Variants in PPP2R5C observed in about 807,000 individuals in gnomAD.
The protein encoded by PPP2R5C is serine/threonine-protein phosphatase 2A 56 kDa regulatory subunit gamma isoform.
In PPP2R5C, 7 loss-of-function variants were observed where a neutral mutation model predicts 68.9. That is an observed-to-expected ratio of 0.10 (90% CI 0.06 to 0.19). The LOEUF is 0.19. Ranked by LOEUF, PPP2R5C falls within the 10% of genes least tolerant of loss-of-function variation. The pLI is 1.00. For missense variants in PPP2R5C, 348 were observed against 641.3 expected (o/e 0.54, Z 4.94); for synonymous variants, 210 against 222.2 (o/e 0.95, Z 0.49).
intron 3 of PPP2R5C, among the ~76,000 whole-genome samples, chr14:101,792,578 C>T (rs2038408382): frequency 6.6e-6 from 1 of 152,318 alleles, no homozygotes; most frequent in Admixed American, 6.5e-5. Flanking sequence ...TACCAGTTCC[C>T]TCTAATGGTG....
At chr14:101,889,847 G>A (rs141465491) in intron 5 of PPP2R5C, 4 of 389,076 alleles carry the variant, frequency 1.0e-5, no homozygotes, top group African/African-American at 2.1e-5. Flanking sequence ...CAGCAAAAAC[G>A]TAAGATGGAT....
chr14:101,826,705 C>T (rs1048620147), intron 1 of PPP2R5C, among the ~76,000 whole-genome samples: 4 of 152,000 alleles, frequency 2.6e-5, no homozygotes, highest in South Asian at 2.1e-4. Context: ...AGCAATGTTC[C>T]TTGTCTCTTT....
At chr14:101,800,790 C>T (rs35029774) in intron 3 of PPP2R5C, among the ~76,000 whole-genome samples, 5,894 of 152,212 alleles carry the variant, frequency 0.039, 206 homozygotes, top group East Asian at 0.15. Context: ...TGCAGCATCG[C>T]TCACAATAGC....
intron 1 of PPP2R5C, among the ~76,000 whole-genome samples, chr14:101,830,869 G>A (rs917824508): frequency 6.6e-6 from 1 of 152,184 alleles, no homozygotes; most frequent in East Asian, 1.9e-4. Context: ...AAATGGAAGT[G>A]TCACTAAGCG....
At chr14:101,872,384 C>T (rs1004210528) in intron 2 of PPP2R5C, among the ~76,000 whole-genome samples, 6 of 151,920 alleles carry the variant, frequency 3.9e-5, no homozygotes. Flanking sequence ...ATGACAGGCA[C>T]ATGCCACCAT....
chr14:101,786,141 G>A (rs576069163), exon 3 of PPP2R5C: 135 of 1,589,106 alleles, frequency 8.5e-5, no homozygotes, highest in Non-Finnish European at 1.0e-4. Context: ...AAGGTTTAGC[G>A]CAAGCAATAA....
chr14:101,762,448 A>G (rs1044385805), intron 1 of PPP2R5C, among the ~76,000 whole-genome samples: 12 of 151,218 alleles, frequency 7.9e-5, no homozygotes, highest in African/African-American at 2.9e-4. Flanking sequence ...CTCGAACACT[A>G]TTATTATCCT....
intron 1 of PPP2R5C, chr14:101,839,182 T>A (rs2041304777): frequency 6.6e-6 from 1 of 151,276 alleles, no homozygotes; most frequent in African/African-American, 2.4e-5. Flanking sequence ...GAAATCCCAT[T>A]TCTGCTAAAA....
chr14:101,915,357 G>A lies in PPP2R5C; in HGVS notation c.1327-2474G>A, dbSNP rs901203096. ...GGCCTCCCAGAGTGCTGGGATTACA[G>A]GTGTGAGCCACCGCACCTGGCCTTC... On this transcript the variant is annotated intron_variant, in intron 12 of 13. Coordinates refer to ENST00000334743, the Ensembl canonical transcript of PPP2R5C. The surrounding 1 kb of genome is among the most constrained non-coding windows in gnomAD (Gnocchi z 4.2). 3.3e-5 allele frequency among the ~76,000 whole-genome samples: 5 copies of A among 152,186 alleles called. No homozygotes were observed. Among genetic ancestry groups the A allele is most frequent in the African/African-American group, 1.2e-4 (5 of 41,446 alleles).
chr14:101,778,573 T>C (rs907040295), intron 2 of PPP2R5C, among the ~76,000 whole-genome samples: 5 of 152,188 alleles, frequency 3.3e-5, no homozygotes, highest in African/African-American at 1.2e-4. Flanking sequence ...TTGAAATCGT[T>C]TTTTTCCTGT....
intron 1 of PPP2R5C, among the ~76,000 whole-genome samples, chr14:101,842,700 C>A (rs2041557634): frequency 6.6e-6 from 1 of 151,524 alleles, no homozygotes; most frequent in Non-Finnish European, 1.5e-5. Flanking sequence ...TCACACCTGG[C>A]ATGGGTAGAC....
At chr14:101,761,556 G>A (rs529870840), upstream of PPP2R5C, among the ~76,000 whole-genome samples, 1 of 143,644 alleles carries the variant, frequency 7.0e-6, no homozygotes, top group Non-Finnish European at 1.5e-5. Flanking sequence ...GCAGGGCGCT[G>A]TTGAGTGCAG....
At chr14:101,792,935 T>C (rs1417034656) in intron 3 of PPP2R5C, among the ~76,000 whole-genome samples, 1 of 151,660 alleles carries the variant, frequency 6.6e-6, no homozygotes, top group Non-Finnish European at 1.5e-5. Flanking sequence ...TGGAGTGCAG[T>C]GGTGCAATCT....
chr14:101,874,901 G>A (rs1266448898), intron 2 of PPP2R5C, among the ~76,000 whole-genome samples: 7 of 152,040 alleles, frequency 4.6e-5, no homozygotes, highest in Non-Finnish European at 1.0e-4. Flanking sequence ...CACCATACTT[G>A]GCTAATTTTT....
rs998378904 is a variant in PPP2R5C at position 101,879,663 on chromosome 14, C to T, written c.295-2498C>T. Among the ~76,000 whole-genome samples, 12 of 152,224 alleles carry T rather than the reference C, an allele frequency of 7.9e-5. No homozygotes were observed. Among genetic ancestry groups the T allele is most frequent in the East Asian group, 1.9e-4 (1 of 5,188 alleles). On this transcript the variant is annotated intron_variant, in intron 2 of 13. Transcript: ENST00000334743. The surrounding 1 kb of genome is among the most constrained non-coding windows in gnomAD (Gnocchi z 4.2). ...GGCCGGGCCCACAGCTCTAACCCAC[C>T]GAAGAACAAAGTGCCATCTCCCTTT...
At chr14:101,799,747 C>A (rs1336988102) in intron 3 of PPP2R5C, among the ~76,000 whole-genome samples, 10 of 152,190 alleles carry the variant, frequency 6.6e-5, no homozygotes, top group African/African-American at 2.4e-4. Flanking sequence ...GACAGGGAGT[C>A]AACCTCCTCT....
chr14:101,766,918 C>T (rs2036889138), intron 2 of PPP2R5C: 1 of 152,102 alleles, frequency 6.6e-6, no homozygotes, highest in Non-Finnish European at 1.5e-5. Flanking sequence ...AAGATCAGAC[C>T]ATAGGTGGGT....
upstream of PPP2R5C, chr14:101,760,681 T>C (rs2036449287): frequency 1.1e-6 from 1 of 892,416 alleles, no homozygotes; most frequent in Non-Finnish European, 1.3e-6. Context: ...GGGCGGGCTG[T>C]CGGATGGGCG....
chr14:101,844,321 T>A (rs1219270381), intron 1 of PPP2R5C, among the ~76,000 whole-genome samples: 2 of 152,104 alleles, frequency 1.3e-5, no homozygotes, highest in Non-Finnish European at 2.9e-5. Flanking sequence ...CTGGTTTCTC[T>A]CTGTCTCACC....
Sources: gnomAD v4.1 joint callset for allele counts (sites outside exome capture counted in the v4.1 genomes callset) on GRCh38, gnomAD v4.1.1 for gene constraint, Gnocchi (gnomAD v3.1) non-coding constraint, MANE v1.5 for transcripts, NCBI Gene and HGNC (gene_info 2026-07-23, HGNC 2026-07-21) for gene names.